Variants in ATF7IP observed in about 807,000 individuals in gnomAD.
The protein encoded by ATF7IP is activating transcription factor 7 interacting protein.
A neutral mutation model predicts 106.4 loss-of-function variants in ATF7IP; 23 were observed. The ratio of observed to expected loss-of-function variants is 0.22; its 90% CI spans 0.16 to 0.31. ATF7IP has a LOEUF of 0.31. ATF7IP is among the 10% of genes least tolerant of loss of function. The pLI, the probability that ATF7IP is intolerant of heterozygous loss-of-function variation, is 1.00. For missense variants in ATF7IP, 1,334 were observed against 1,524.3 expected (o/e 0.88, Z 2.08); for synonymous variants, 542 against 539.0 (o/e 1.01, Z -0.08).
chr12:14,371,860 A>G (rs1435208368), intron 1 of ATF7IP, among the ~76,000 whole-genome samples: 2 of 152,098 alleles, frequency 1.3e-5, no homozygotes, highest in East Asian at 3.9e-4. Flanking sequence ...AAATTTATGC[A>G]TTGGCTGCAT....
intron 1 of ATF7IP, among the ~76,000 whole-genome samples, chr12:14,404,394 G>GA (rs1940438583): frequency 6.6e-6 from 1 of 152,092 alleles, no homozygotes; most frequent in African/African-American, 2.4e-5. Flanking sequence ...ACAGGCATTT[G>GA]ATGAATATTG....
chr12:14,496,353 G>C lies in ATF7IP; in HGVS notation c.3393+10G>C, dbSNP rs1945012861. On this transcript the variant is annotated intron_variant, in intron 14 of 14. Transcript: ENST00000261168. ...ACCACAAGTGCATACTGTAAGTGTT[G>C]ATGCTTGGTTTTGCAAAATTCTCAA... 1 of 1,600,412 alleles carries C rather than the reference G, an allele frequency of 6.2e-7. No homozygotes were observed. Among genetic ancestry groups the C allele is most frequent in the African/African-American group, 1.3e-5 (1 of 74,748 alleles).
intron 1 of ATF7IP, among the ~76,000 whole-genome samples, chr12:14,423,489 C>G (rs1056750703): frequency 6.6e-6 from 1 of 150,918 alleles, no homozygotes; most frequent in African/African-American, 2.4e-5. Flanking sequence ...CTTAATTCTT[C>G]CTCCTTTTTC....
intron 1 of ATF7IP, among the ~76,000 whole-genome samples, chr12:14,407,942 T>C (rs114193838): frequency 0.015 from 2,354 of 152,228 alleles, 24 homozygotes; most frequent in Non-Finnish European, 0.019. Flanking sequence ...AAGCAGTTTT[T>C]TAACCAACAA....
intron 13 of ATF7IP, among the ~76,000 whole-genome samples, chr12:14,488,301 A>G (rs1944694001): frequency 6.6e-6 from 1 of 152,142 alleles, no homozygotes; most frequent in Non-Finnish European, 1.5e-5. Flanking sequence ...CGATCACAAG[A>G]TCCCACAATA....
intron 1 of ATF7IP, among the ~76,000 whole-genome samples, chr12:14,420,803 G>T (rs574257433): frequency 6.6e-6 from 1 of 152,262 alleles, no homozygotes; most frequent in East Asian, 1.9e-4. Flanking sequence ...TAACAACATT[G>T]AGCCCTAACT....
chr12:14,429,364 TC>T (rs1209414095), intron 2 of ATF7IP, among the ~76,000 whole-genome samples: 1 of 152,202 alleles, frequency 6.6e-6, no homozygotes, highest in African/African-American at 2.4e-5. Flanking sequence ...CCTTTCTCAT[TC>T]TATTTCTTGT....
At chr12:14,422,881 G>T (rs905504180) in intron 1 of ATF7IP, among the ~76,000 whole-genome samples, 9 of 152,054 alleles carry the variant, frequency 5.9e-5, no homozygotes, top group African/African-American at 2.2e-4. Flanking sequence ...GTTTTTGTGT[G>T]GACATATGTT....
At chr12:14,404,267 A>G (rs886413058) in intron 1 of ATF7IP, among the ~76,000 whole-genome samples, 1 of 151,930 alleles carries the variant, frequency 6.6e-6, no homozygotes, top group African/African-American at 2.4e-5. Context: ...TGCTGTATTT[A>G]TCTTCCACAT....
intron 1 of ATF7IP, among the ~76,000 whole-genome samples, chr12:14,402,175 T>C (rs1940274515): frequency 7.0e-6 from 1 of 143,338 alleles, no homozygotes; most frequent in Non-Finnish European, 1.5e-5. Flanking sequence ...TAGCCCGGAC[T>C]GGAGTGCAGT....
At chr12:14,483,367 A>C (rs181339978) in intron 13 of ATF7IP, among the ~76,000 whole-genome samples, 25 of 152,252 alleles carry the variant, frequency 1.6e-4, no homozygotes, top group African/African-American at 5.8e-4. Flanking sequence ...CAGTAGACTA[A>C]CTTCTTCTTG....
At chr12:14,389,071 T>A (rs985983664) in intron 1 of ATF7IP, among the ~76,000 whole-genome samples, 1 of 152,220 alleles carries the variant, frequency 6.6e-6, no homozygotes, top group Admixed American at 6.5e-5. Flanking sequence ...TCTGCAAAAA[T>A]CTTGCATACT....
intron 6 of ATF7IP, among the ~76,000 whole-genome samples, chr12:14,456,079 A>AT (rs1943413537): frequency 6.6e-6 from 1 of 152,186 alleles, no homozygotes; most frequent in African/African-American, 2.4e-5. Context: ...GGTAGGTAGT[A>AT]TTTTTTTAAA....
intron 1 of ATF7IP, among the ~76,000 whole-genome samples, chr12:14,380,270 G>A (rs1010407076): frequency 6.6e-6 from 1 of 150,804 alleles, no homozygotes; most frequent in Non-Finnish European, 1.5e-5. Flanking sequence ...TATTTTTTTT[G>A]TTTTTGTTTT....
In ATF7IP at chr12:14,500,753, T is replaced by C. The variant is rs1199667955; in HGVS notation, c.*2680T>C. On this transcript the variant is annotated 3_prime_UTR_variant, in exon 15 of 15. Transcript: ENST00000261168. The stretch of plus-strand genomic sequence containing the variant: ...TTTTTTAAAAAAAGCTTTCATAGCA[T>C]TATATAATCAGATGAAGAAAGCCCA... The C allele has an allele frequency of 6.6e-6, 1 of 152,106 alleles. No individual in the cohort carries two copies. The highest frequency in any genetic ancestry group is 1.5e-5 in the Non-Finnish European group (1 of 68,022). 9.4% of individuals were successfully genotyped at this position (152,106 alleles called of 1,614,324 possible). A position where few individuals can be genotyped will look rare whatever the true frequency, so the allele number is the denominator to read the frequency against.
chr12:14,439,325 C>T lies in ATF7IP; in HGVS notation c.1929+1058C>T, dbSNP rs190474342. Among the ~76,000 whole-genome samples the T allele has an allele frequency of 1.6e-3, 240 of 152,272 alleles. No homozygotes were observed. In the Middle Eastern group the frequency reaches 0.024, roughly 15 times the overall value. ...GAAAAGTGGCCCATGGAAGTCAAAT[C>T]ACTTTTTCCGTTACGAATAAAATTT... On this transcript the variant is annotated intron_variant, in intron 5 of 14. Transcript: ENST00000261168.
At chr12:14,382,562 T>C (rs1351906924) in intron 1 of ATF7IP, among the ~76,000 whole-genome samples, 1 of 152,166 alleles carries the variant, frequency 6.6e-6, no homozygotes, top group African/African-American at 2.4e-5. Flanking sequence ...ACTGCAGATG[T>C]TTTTAGGCCA....
intron 1 of ATF7IP, among the ~76,000 whole-genome samples, chr12:14,408,143 A>ACAC (rs1940707610): frequency 2.0e-5 from 2 of 99,270 alleles, no homozygotes; most frequent in African/African-American, 7.7e-5. Flanking sequence ...CACACACACA[A>ACAC]ATATATATGG....
chr12:14,495,707 A>G (rs1181759196), intron 13 of ATF7IP, among the ~76,000 whole-genome samples: 1 of 152,218 alleles, frequency 6.6e-6, no homozygotes, highest in African/African-American at 2.4e-5. Context: ...TCATTAATAC[A>G]TGGCAAGGAT....
Sources: gnomAD v4.1 joint callset for allele counts (sites outside exome capture counted in the v4.1 genomes callset) on GRCh38, gnomAD v4.1.1 for gene constraint, MANE v1.5 for transcripts, NCBI Gene and HGNC (gene_info 2026-07-23, HGNC 2026-07-21) for gene names.